MACROD2: variants seen among roughly 807,000 people sequenced by gnomAD.
MACROD2 encodes the protein ADP-ribose glycohydrolase MACROD2.
Under a neutral mutation model 70.4 loss-of-function variants are expected in MACROD2, and 36 were observed. The observed-to-expected ratio is 0.51, with a 90% CI of 0.39 to 0.68. The LOEUF (loss-of-function observed/expected upper bound fraction) is 0.68. Among genes scored for constraint, MACROD2 ranks in the 30% least tolerant of loss-of-function variants. The pLI, the probability that MACROD2 is intolerant of heterozygous loss-of-function variation, is 0.00. For synonymous variants in MACROD2, 172 were observed against 178.8 expected (o/e 0.96, Z 0.30); for missense variants, 496 against 538.4 (o/e 0.92, Z 0.78).
chr20:15,987,604 A>G (rs1250248910), intron 15 of MACROD2, among the ~76,000 whole-genome samples: 1 of 152,158 alleles, frequency 6.6e-6, no homozygotes, highest in Non-Finnish European at 1.5e-5. Flanking sequence ...ATGAACCTAA[A>G]TTGCAATCTT....
chr20:15,094,993 T>G (rs2075818033), intron 5 of MACROD2, among the ~76,000 whole-genome samples: 1 of 151,200 alleles, frequency 6.6e-6, no homozygotes, highest in Non-Finnish European at 1.5e-5. Flanking sequence ...GGTCACACTT[T>G]CTTCAAAGAC....
rs145834193 is a variant in MACROD2 at position 14,941,221 on chromosome 20, A to G, written c.418+256262A>G. Among the ~76,000 whole-genome samples, 7 of 152,028 alleles carry G rather than the reference A, an allele frequency of 4.6e-5. No homozygotes were observed. The East Asian group carries it at 7.7e-4, about 17-fold the overall frequency. On this transcript the variant is annotated intron_variant, in intron 5 of 17. Coordinates refer to ENST00000684519, the MANE Select transcript of MACROD2 (RefSeq NM_001351661.2). ...TAATAATTCTGTAGTCTCAGTTGCT[A>G]TGTCTCCTTTTTCCTTTATGATTTT... is the stretch of plus-strand genomic sequence containing the variant.
intron 8 of MACROD2, among the ~76,000 whole-genome samples, chr20:15,519,934 C>T (rs1482608452): frequency 6.6e-6 from 1 of 152,184 alleles, no homozygotes; most frequent in African/African-American, 2.4e-5. Flanking sequence ...GGCCGACCTG[C>T]AAAGGCTTTT....
intron 8 of MACROD2, among the ~76,000 whole-genome samples, chr20:15,689,253 G>A (rs73614431): frequency 0.043 from 6,459 of 151,800 alleles, 279 homozygotes; most frequent in East Asian, 0.21. Flanking sequence ...GCAGTGAGCC[G>A]AGATATTGCC....
chr20:14,624,612 C>T (rs1403702085), intron 4 of MACROD2, among the ~76,000 whole-genome samples: 1 of 152,116 alleles, frequency 6.6e-6, no homozygotes, highest in African/African-American at 2.4e-5. Context: ...TAGTATGAAG[C>T]ACTGAAATGA....
chr20:14,079,049 C>G (rs1267840869), intron 2 of MACROD2, among the ~76,000 whole-genome samples: 1 of 152,132 alleles, frequency 6.6e-6, no homozygotes, highest in African/African-American at 2.4e-5. Flanking sequence ...ACCAAATTCC[C>G]TCACCAGTTT....
At chr20:14,693,856 C>T (rs531013958) in intron 5 of MACROD2, among the ~76,000 whole-genome samples, 9 of 152,224 alleles carry the variant, frequency 5.9e-5, no homozygotes, top group Admixed American at 3.9e-4. Context: ...AAGCCATATA[C>T]GCAGAACCGC....
chr20:15,654,539 C>T (rs1053429764), intron 8 of MACROD2, among the ~76,000 whole-genome samples: 1 of 152,148 alleles, frequency 6.6e-6, no homozygotes, highest in Non-Finnish European at 1.5e-5. Context: ...CCCTAAGCAC[C>T]CCTCCACTTG....
intron 8 of MACROD2, among the ~76,000 whole-genome samples, chr20:15,623,879 G>A (rs2049165094): frequency 6.6e-6 from 1 of 152,118 alleles, no homozygotes; most frequent in Admixed American, 6.5e-5. Flanking sequence ...TAAAGGAGAT[G>A]TATTAGTCAG....
rs75917601 is a variant in MACROD2, at chr20:15,574,926, A to C, written c.645+75079A>C. On this transcript the variant is annotated intron_variant, in intron 8 of 17. Coordinates refer to ENST00000684519, the MANE Select transcript of MACROD2 (RefSeq NM_001351661.2). ...TCAGCTGTTATTTATTTTATTACTG[A>C]GCTCCAAGGTATAAATGTTCCTCTC... is the stretch of plus-strand genomic sequence containing the variant. Among the ~76,000 whole-genome samples the C allele has an allele frequency of 2.2e-3, 341 of 152,258 alleles. 2 individuals are homozygous for C. The highest frequency in any genetic ancestry group is 7.7e-3 in the African/African-American group (321 of 41,552).
At chr20:14,064,587 C>T (rs771419971) in intron 2 of MACROD2, among the ~76,000 whole-genome samples, 2 of 152,064 alleles carry the variant, frequency 1.3e-5, no homozygotes, top group East Asian at 1.9e-4. Flanking sequence ...AAATATGCCT[C>T]GAGTATTATT....
intron 5 of MACROD2, among the ~76,000 whole-genome samples, chr20:15,164,050 G>GA (rs1171335494): frequency 7.9e-5 from 12 of 151,244 alleles, no homozygotes; most frequent in African/African-American, 2.7e-4. Flanking sequence ...TCAATGTTAA[G>GA]AAAAAAAATC....
intron 3 of MACROD2, among the ~76,000 whole-genome samples, chr20:14,174,368 G>T (rs1310022641): frequency 1.3e-5 from 2 of 152,052 alleles, no homozygotes; most frequent in Non-Finnish European, 2.9e-5. Flanking sequence ...ATGAGGATTT[G>T]GTTCTCAGGC....
intron 8 of MACROD2, among the ~76,000 whole-genome samples, chr20:15,855,088 A>T (rs2064342185): frequency 6.6e-6 from 1 of 152,168 alleles, no homozygotes; most frequent in Non-Finnish European, 1.5e-5. Flanking sequence ...GTTGTTGGGG[A>T]AGCAAATTAC....
At chr20:15,474,293 T>A (rs902905862) in intron 7 of MACROD2, among the ~76,000 whole-genome samples, 2 of 152,202 alleles carry the variant, frequency 1.3e-5, no homozygotes, top group Non-Finnish European at 2.9e-5. Flanking sequence ...CGTTTGTGGA[T>A]GTTTATTTTT....
intron 6 of MACROD2, among the ~76,000 whole-genome samples, chr20:15,406,964 G>T (rs749885419): frequency 6.6e-6 from 1 of 152,170 alleles, no homozygotes; most frequent in Non-Finnish European, 1.5e-5. Flanking sequence ...ATTGAGCAAG[G>T]CTGTTCCCCT....
chr20:15,317,606 G>C (rs1319069287), intron 6 of MACROD2, among the ~76,000 whole-genome samples: 1 of 151,712 alleles, frequency 6.6e-6, no homozygotes, highest in African/African-American at 2.4e-5. Flanking sequence ...CCAAGATCTG[G>C]AGAACCAAAA....
At chr20:15,602,360 TC>T (rs2048833917) in intron 8 of MACROD2, among the ~76,000 whole-genome samples, 1 of 152,198 alleles carries the variant, frequency 6.6e-6, no homozygotes. Flanking sequence ...GAGTTCTGTC[TC>T]CTTTGAGACT....
At chr20:14,665,173 A>G (rs966817275) in intron 4 of MACROD2, among the ~76,000 whole-genome samples, 1 of 152,148 alleles carries the variant, frequency 6.6e-6, no homozygotes, top group Non-Finnish European at 1.5e-5. Flanking sequence ...GCTTAGTGGT[A>G]CACAACGCAT....
Sources: gnomAD v4.1 joint callset for allele counts (sites outside exome capture counted in the v4.1 genomes callset) on GRCh38, gnomAD v4.1.1 for gene constraint, MANE v1.5 for transcripts, NCBI Gene and HGNC (gene_info 2026-07-23, HGNC 2026-07-21) for gene names.